The following SLCO2B1 variants were observed in gnomAD, a reference collection of about 807,000 sequenced individuals.
The protein encoded by SLCO2B1 is OATP-RP2.
In SLCO2B1, 41 loss-of-function variants were observed where a neutral mutation model predicts 67.3. That is an observed-to-expected ratio of 0.61 (90% CI 0.47 to 0.79). SLCO2B1 has a LOEUF of 0.79. Among genes scored for constraint, SLCO2B1 ranks in the 30% least tolerant of loss-of-function variants. SLCO2B1 has a pLI of 0.00. For missense variants in SLCO2B1, 837 were observed against 920.1 expected, an observed-to-expected ratio of 0.91 and a Z score of 1.17; for synonymous variants, 379 against 381.4, an observed-to-expected ratio of 0.99 and a Z score of 0.07.
Position 75,151,298 on chromosome 11 carries a change from T to G in SLCO2B1, c.-84T>G. On this transcript the variant is annotated 5_prime_UTR_variant, in exon 1 of 14. The change abolishes the stop of an existing upstream ORF in the 5' untranslated region. Transcript: ENST00000289575. ...ACCTGCTGCTGTCTCCAGGAGCCCC[T>G]GAGAAGATTTGCTTCCTCTCCCCTG... 1.1e-5 allele frequency: 14 copies of G among 1,303,814 alleles called. No homozygotes were observed. Among genetic ancestry groups the G allele is most frequent in the Non-Finnish European group, 1.5e-5 (14 of 914,002 alleles). 80.8% of individuals were successfully genotyped at this position (1,303,814 alleles called of 1,614,324 possible). A position where few individuals can be genotyped will look rare whatever the true frequency, so the allele number is the denominator to read the frequency against.
At chr11:75,188,408 C>A (rs557159965) in intron 8 of SLCO2B1, among the ~76,000 whole-genome samples, 170 bp downstream of exon 8, 2 of 152,180 alleles carry the variant, frequency 1.3e-5, no homozygotes, top group African/African-American at 4.8e-5. Flanking sequence ...TCTGCCTGGA[C>A]CATCATTTTT....
At chr11:75,158,716 G>A (rs924432343) in intron 1 of SLCO2B1, among the ~76,000 whole-genome samples, 1 of 152,162 alleles carries the variant, frequency 6.6e-6, no homozygotes, top group Non-Finnish European at 1.5e-5. Context: ...GGAAACTGAG[G>A]CTCAGAAAGC....
rs186753454 is a variant in SLCO2B1, at chr11:75,160,710, C to T, written c.17-1945C>T. On this transcript the variant is annotated intron_variant, in intron 1 of 13. Coordinates refer to ENST00000289575, the MANE Select transcript of SLCO2B1 (RefSeq NM_007256.5). ...TTGCTTCCTCTGAGTGTTTATGCCC[C>T]GCAGAGGGACTCCTCCCTAGCCACA... is the stretch of plus-strand genomic sequence containing the variant. Among the ~76,000 whole-genome samples the T allele has an allele frequency of 1.4e-4, 22 of 152,298 alleles. No individual in the cohort carries two copies. In the East Asian group the frequency reaches 2.1e-3, roughly 15 times the overall value.
At chr11:75,162,552 C>G in intron 1 of SLCO2B1, 103 bp from the exon 2 acceptor site, 2 of 1,263,690 alleles carry the variant, frequency 1.6e-6, no homozygotes, top group East Asian at 4.8e-5. Flanking sequence ...AAGAACTCTT[C>G]TTCCTGAAAG....
intron 7 of SLCO2B1, among the ~76,000 whole-genome samples, 153 bp from the exon 8 acceptor site, chr11:75,187,983 A>G (rs551461559): frequency 6.6e-6 from 1 of 152,314 alleles, no homozygotes; most frequent in East Asian, 1.9e-4. Flanking sequence ...AGGGCCAAGA[A>G]CAAATGGAAC....
At chr11:75,162,532 A>C (rs1393027455) in intron 1 of SLCO2B1, 123 bp from the exon 2 acceptor site, 1 of 1,068,938 alleles carries the variant, frequency 9.4e-7, no homozygotes, top group East Asian at 2.5e-5. Flanking sequence ...TCAGATTCTC[A>C]TCAACCACTA....
At chr11:75,164,315 C>T (rs868626440) in intron 3 of SLCO2B1, among the ~76,000 whole-genome samples, 20 of 151,936 alleles carry the variant, frequency 1.3e-4, no homozygotes, top group African/African-American at 3.9e-4. Flanking sequence ...TCTAATGGGT[C>T]GGGTCCTGGA....
intron 7 of SLCO2B1, among the ~76,000 whole-genome samples, chr11:75,183,479 CCAGTCCTGCAT>C (rs148799829): frequency 0.01 from 1,570 of 152,334 alleles, 14 homozygotes; most frequent in Non-Finnish European, 0.016. Context: ...TCCTAATTCT[CCAGTCCTGCAT>C]CAGGGCTGTC....
chr11:75,200,494 G>A, intron 11 of SLCO2B1, 107 bp downstream of exon 11: 1 of 1,174,608 alleles, frequency 8.5e-7, no homozygotes, highest in South Asian at 1.6e-5. Context: ...CCACTTGGGT[G>A]TCCTGGCCCC....
chr11:75,159,945 G>C (rs1251869858), intron 1 of SLCO2B1: 1 of 804,124 alleles, frequency 1.2e-6, no homozygotes, highest in Non-Finnish European at 1.5e-6. Context: ...AGGCCAGGGG[G>C]CTGGAACTGG....
chr11:75,176,500 A>G (rs1950025623), intron 7 of SLCO2B1, among the ~76,000 whole-genome samples: 1 of 152,196 alleles, frequency 6.6e-6, no homozygotes, highest in Admixed American at 6.5e-5. Flanking sequence ...TTCCTAATAG[A>G]GCTTCTCAAG....
intron 11 of SLCO2B1, 174 bp downstream of exon 11, chr11:75,200,561 TC>T: frequency 1.8e-6 from 1 of 553,228 alleles, no homozygotes; most frequent in Non-Finnish European, 3.0e-6. Context: ...CAAGGTTTTC[TC>T]CCCATCTTGC....
intron 9 of SLCO2B1, among the ~76,000 whole-genome samples, chr11:75,195,510 GC>G (rs1565549233): frequency 6.6e-6 from 1 of 151,412 alleles, no homozygotes; most frequent in Non-Finnish European, 1.5e-5. Flanking sequence ...AGGGAGAGGA[GC>G]TCACTTTGCC....
At chr11:75,192,760 C>T (rs914636923) in intron 8 of SLCO2B1, among the ~76,000 whole-genome samples, 2 of 152,124 alleles carry the variant, frequency 1.3e-5, no homozygotes, top group Non-Finnish European at 2.9e-5. Flanking sequence ...TGAACTGGAA[C>T]AAGGGCCAGG....
At chr11:75,164,871 T>C (rs552283266) in intron 3 of SLCO2B1, among the ~76,000 whole-genome samples, 2 of 152,270 alleles carry the variant, frequency 1.3e-5, no homozygotes, top group South Asian at 4.1e-4. Context: ...GTCACTCCCC[T>C]GTCTCTGGGC....
chr11:75,152,469 G>A (rs1045508071), intron 1 of SLCO2B1: 4 of 152,352 alleles, frequency 2.6e-5, no homozygotes, highest in African/African-American at 9.7e-5. Context: ...AGGAAGGGTG[G>A]GATGGATGCC....
intron 11 of SLCO2B1, chr11:75,201,799 T>G (rs886307163): frequency 6.6e-6 from 1 of 152,218 alleles, no homozygotes; most frequent in African/African-American, 2.4e-5. Flanking sequence ...GACCTCCATG[T>G]GTTCAGCTAT....
At chr11:75,157,020 G>T in intron 1 of SLCO2B1, 2 of 152,570 alleles carry the variant, frequency 1.3e-5, no homozygotes, top group South Asian at 3.9e-4. Context: ...CTCATTCTGT[G>T]ACCTGGAATG....
chr11:75,195,943 C>T (rs1210951877), intron 9 of SLCO2B1, among the ~76,000 whole-genome samples: 1 of 152,220 alleles, frequency 6.6e-6, no homozygotes, highest in Non-Finnish European at 1.5e-5. Flanking sequence ...AGCTGGGGCA[C>T]CCCAGGGATT....
Sources: allele counts gnomAD v4.1 joint callset (sites outside exome capture counted in the v4.1 genomes callset), GRCh38; gene constraint gnomAD v4.1.1; transcripts MANE v1.5; gene names NCBI Gene and HGNC (gene_info 2026-07-23, HGNC 2026-07-21).